The following TEK variants were observed in gnomAD, a reference collection of about 807,000 sequenced individuals.
TEK encodes TEK receptor tyrosine kinase, also known as angiopoietin-1 receptor.
Under a neutral mutation model 131.8 loss-of-function variants are expected in TEK, and 43 were observed. The ratio of observed to expected loss-of-function variants is 0.33; its 90% CI spans 0.26 to 0.42. The LOEUF is 0.42. Ranked by LOEUF, TEK falls within the 10% of genes least tolerant of loss-of-function variation. The probability of loss-of-function intolerance (pLI) is 1.00; values close to 1 mark genes in which losing one functional copy is unlikely to be tolerated. For synonymous variants in TEK, 580 were observed against 491.6 expected (o/e 1.18, Z -2.38); for missense variants, 1,162 against 1,384.4 (o/e 0.84, Z 2.55).
At chr9:27,123,546 G>C (rs1311856857) in intron 1 of TEK, among the ~76,000 whole-genome samples, 1 of 152,230 alleles carries the variant, frequency 6.6e-6, no homozygotes, top group Non-Finnish European at 1.5e-5. Flanking sequence ...AACTGTCAGA[G>C]ACATAAAAGA....
At chr9:27,112,197 C>A (rs918171811) in intron 1 of TEK, among the ~76,000 whole-genome samples, 3 of 152,174 alleles carry the variant, frequency 2.0e-5, no homozygotes, top group African/African-American at 7.2e-5. Context: ...CCACGCCCGC[C>A]CTTGTCACTT....
In TEK at chr9:27,109,315, T is replaced by TG. The variant is rs3837240; in HGVS notation, c.-275dup. ...AATTGCGAGATGGATAGGGCTTGAG[T>TG]GCCCCCAGCCCTGCTGATACCAAAT... On this transcript the variant is annotated 5_prime_UTR_variant, in exon 1 of 23. Transcript: ENST00000380036. 0.11 allele frequency: 63,295 copies of TG among 571,032 alleles called. 10,134 individuals carry two copies. The highest frequency in any genetic ancestry group is 0.66 in the East Asian group (23,083 of 34,944). The allele number at this position is 571,032 out of a possible 1,614,324, so 35.4% of individuals were successfully genotyped here. A position where few individuals can be genotyped will look rare whatever the true frequency, so the allele number is the denominator to read the frequency against.
At chr9:27,203,537 A>G (rs969287700) in intron 13 of TEK, among the ~76,000 whole-genome samples, 7 of 150,640 alleles carry the variant, frequency 4.6e-5, no homozygotes, top group African/African-American at 1.2e-4. Context: ...GTCTTCTTCT[A>G]CTTTACTGAT....
At position 27,212,695 on chromosome 9, in the gene TEK, C is replaced by A. The variant is rs1825680651; in HGVS notation, c.2687-12C>A. ...GCCACTGATGAGTCGATGCTCTCTT[C>A]CTTCCCTCCAGGCTACTTGTACCTG... On this transcript the variant is annotated splice_polypyrimidine_tract_variant and intron_variant, in intron 16 of 22. Transcript: ENST00000380036. The A allele has an allele frequency of 6.2e-7, 1 of 1,614,060 alleles. No individual in the cohort carries two copies. Among genetic ancestry groups the A allele is most frequent in the Non-Finnish European group, 8.5e-7 (1 of 1,179,966 alleles).
chr9:27,152,396 T>C (rs1823158636), intron 1 of TEK, among the ~76,000 whole-genome samples: 1 of 143,808 alleles, frequency 7.0e-6, no homozygotes, highest in African/African-American at 2.7e-5. Flanking sequence ...TGCAGCTGTA[T>C]GTGAACTGGA....
intron 1 of TEK, among the ~76,000 whole-genome samples, chr9:27,146,312 T>G (rs955324419): frequency 3.9e-5 from 6 of 152,260 alleles, no homozygotes; most frequent in African/African-American, 1.4e-4. Context: ...GGCTTTTGTG[T>G]GTATACAACT....
chr9:27,124,273 G>A (rs761650800), intron 1 of TEK, among the ~76,000 whole-genome samples: 3 of 152,196 alleles, frequency 2.0e-5, no homozygotes, highest in Admixed American at 6.5e-5. Context: ...CTCATTCAAG[G>A]TTCAGCTGAT....
At chr9:27,128,440 G>A (rs1320348323) in intron 1 of TEK, among the ~76,000 whole-genome samples, 1 of 152,134 alleles carries the variant, frequency 6.6e-6, no homozygotes, top group Non-Finnish European at 1.5e-5. Context: ...TTTTTGCTTA[G>A]GATTGTCTTG....
chr9:27,206,828 A>C (rs1332941087), intron 15 of TEK, 36 bp downstream of exon 15: 13 of 1,601,998 alleles, frequency 8.1e-6, no homozygotes, highest in African/African-American at 1.3e-5. Context: ...GCATTGCGTG[A>C]GGGTGTGGAG....
At chr9:27,126,389 C>T (rs1821991030) in intron 1 of TEK, among the ~76,000 whole-genome samples, 2 of 152,126 alleles carry the variant, frequency 1.3e-5, no homozygotes, top group South Asian at 4.1e-4. Flanking sequence ...AAATATATCA[C>T]AAAAAGGACA....
chr9:27,190,836 A>AAG, intron 10 of TEK, 146 bp downstream of exon 10: 2 of 1,240,542 alleles, frequency 1.6e-6, no homozygotes, highest in Non-Finnish European at 2.3e-6. Context: ...CAGAGTATTC[A>AAG]AGAGAGAGTG....
intron 22 of TEK, among the ~76,000 whole-genome samples, chr9:27,228,616 G>A (rs1826432493): frequency 6.6e-6 from 1 of 152,144 alleles, no homozygotes; most frequent in African/African-American, 2.4e-5. Flanking sequence ...AGACTCAGAA[G>A]TGGGTGACTT....
At chr9:27,146,776 C>T (rs1234971951) in intron 1 of TEK, among the ~76,000 whole-genome samples, 1 of 140,290 alleles carries the variant, frequency 7.1e-6, no homozygotes, top group African/African-American at 2.7e-5. Flanking sequence ...GTCTCCCAGG[C>T]TGGAGTGCAG....
chr9:27,204,767 T>A, intron 13 of TEK, 144 bp from the exon 14 acceptor site: 1 of 988,462 alleles, frequency 1.0e-6, no homozygotes, highest in South Asian at 1.3e-5. Flanking sequence ...TATAAATGAG[T>A]AGCCCGAGGT....
chr9:27,161,523 G>C (rs1823547056), intron 2 of TEK, among the ~76,000 whole-genome samples: 4 of 152,214 alleles, frequency 2.6e-5, no homozygotes, highest in Admixed American at 1.3e-4. Flanking sequence ...TAAATGGTGG[G>C]AATGGCATTT....
intron 1 of TEK, among the ~76,000 whole-genome samples, chr9:27,141,302 C>T (rs6475969): frequency 0.98 from 148,653 of 152,192 alleles, 72,605 homozygotes; most frequent in East Asian, 1. Flanking sequence ...GATGTATACA[C>T]CCTGTTTTTT....
intron 1 of TEK, among the ~76,000 whole-genome samples, chr9:27,120,845 G>T (rs1472685232): frequency 3.3e-5 from 5 of 152,172 alleles, no homozygotes; most frequent in Non-Finnish European, 7.4e-5. Flanking sequence ...GGTTTGCACT[G>T]GTGCCTAAGA....
At chr9:27,173,127 A>G in intron 5 of TEK, 95 bp from the exon 6 acceptor site, 1 of 1,517,018 alleles carries the variant, frequency 6.6e-7, no homozygotes, top group African/African-American at 1.4e-5. Context: ...ACTGTTTCCC[A>G]TATTCACTAG....
chr9:27,164,706 AT>A (rs1158135526), intron 2 of TEK, among the ~76,000 whole-genome samples: 3 of 151,676 alleles, frequency 2.0e-5, no homozygotes, highest in Admixed American at 6.6e-5. Context: ...ATTTTTAAAT[AT>A]TTTTTTTGTA....
Sources: gnomAD v4.1 joint callset for allele counts (sites outside exome capture counted in the v4.1 genomes callset) on GRCh38, gnomAD v4.1.1 for gene constraint, MANE v1.5 for transcripts, NCBI Gene and HGNC (gene_info 2026-07-23, HGNC 2026-07-21) for gene names.